The following ALDH2 variants were observed in gnomAD, a reference collection of about 807,000 sequenced individuals.
ALDH2 encodes the protein aldehyde dehydrogenase 2 family member.
A neutral mutation model predicts 59.6 loss-of-function variants in ALDH2; 44 were observed. That is an observed-to-expected ratio of 0.74 (90% CI 0.58 to 0.95). ALDH2 has a LOEUF of 0.95. ALDH2 is among the 40% of genes least tolerant of loss of function. ALDH2 has a pLI of 0.00. For missense variants in ALDH2, 570 were observed against 696.3 expected, an observed-to-expected ratio of 0.82 and a Z score of 2.04; for synonymous variants, 291 against 284.0, an observed-to-expected ratio of 1.02 and a Z score of -0.25.
intron 3 of ALDH2, 22 bp downstream of exon 3, chr12:111,783,320 C>T: frequency 1.3e-6 from 2 of 1,583,720 alleles, no homozygotes; most frequent in Admixed American, 1.7e-5. Context: ...GCCCTTCTCC[C>T]CCTCAGATCC....
At chr12:111,771,800 T>C (rs1266866252) in intron 1 of ALDH2, among the ~76,000 whole-genome samples, 1 of 152,142 alleles carries the variant, frequency 6.6e-6, no homozygotes, top group Admixed American at 6.5e-5. Flanking sequence ...TTTAAATGTT[T>C]GATTTCTTTA....
chr12:111,797,636 A>G (rs928745137), intron 9 of ALDH2, among the ~76,000 whole-genome samples: 2 of 151,976 alleles, frequency 1.3e-5, no homozygotes, highest in African/African-American at 2.4e-5. Context: ...AATACTCCCT[A>G]GTGAATATCC....
intron 1 of ALDH2, among the ~76,000 whole-genome samples, chr12:111,769,938 G>A (rs775543444): frequency 3.3e-5 from 5 of 152,120 alleles, no homozygotes; most frequent in Non-Finnish European, 5.9e-5. Flanking sequence ...GAGGTCAGGA[G>A]TTCGAGACTA....
chr12:111,782,102 C>T (rs1484431673), intron 2 of ALDH2, 80 bp downstream of exon 2: 2 of 1,080,722 alleles, frequency 1.9e-6, no homozygotes, highest in Non-Finnish European at 2.8e-6. Flanking sequence ...AAAGCTTTAC[C>T]ATATATGTGT....
At chr12:111,787,041 C>T (rs2068315862) in intron 4 of ALDH2, among the ~76,000 whole-genome samples, 2 of 151,958 alleles carry the variant, frequency 1.3e-5, no homozygotes, top group South Asian at 2.1e-4. Flanking sequence ...CCCATCTCTA[C>T]TAAATATACA....
At chr12:111,774,464 G>A (rs948389604) in intron 1 of ALDH2, among the ~76,000 whole-genome samples, 3 of 152,170 alleles carry the variant, frequency 2.0e-5, no homozygotes, top group Non-Finnish European at 2.9e-5. Flanking sequence ...CTGCAAAACC[G>A]CGCCATTAGC....
intron 2 of ALDH2, among the ~76,000 whole-genome samples, chr12:111,782,552 C>T (rs2068279724): frequency 6.6e-6 from 1 of 151,742 alleles, no homozygotes; most frequent in Admixed American, 6.6e-5. Context: ...GAGATACCAT[C>T]TCTAAAGTAA....
chr12:111,785,469 A>G, intron 4 of ALDH2, 123 bp downstream of exon 4: 1 of 808,282 alleles, frequency 1.2e-6, no homozygotes, highest in Non-Finnish European at 2.0e-6. Context: ...CATGCCTATA[A>G]TCCCAGCACT....
At chr12:111,791,563 G>A in intron 7 of ALDH2, 144 bp downstream of exon 7, 1 of 665,422 alleles carries the variant, frequency 1.5e-6, no homozygotes, top group Non-Finnish European at 2.6e-6. Flanking sequence ...CAGGAGGGGT[G>A]GGGCAGGGTT....
chr12:111,786,720 AT>A (rs942344719), intron 4 of ALDH2, among the ~76,000 whole-genome samples: 1 of 151,288 alleles, frequency 6.6e-6, no homozygotes, highest in Non-Finnish European at 1.5e-5. Context: ...TACTTTTTAA[AT>A]TTTTTGTAGA....
intron 1 of ALDH2, among the ~76,000 whole-genome samples, chr12:111,779,434 C>T (rs1234043461): frequency 6.6e-6 from 1 of 152,216 alleles, no homozygotes; most frequent in Non-Finnish European, 1.5e-5. Context: ...AAGCAATTCT[C>T]ATGCCTTGGC....
chr12:111,791,168 C>A, intron 6 of ALDH2, 138 bp from the exon 7 acceptor site: 1 of 650,844 alleles, frequency 1.5e-6, no homozygotes, highest in Non-Finnish European at 2.8e-6. Flanking sequence ...CCATGTAGTG[C>A]CCCATACAAT....
intron 11 of ALDH2, among the ~76,000 whole-genome samples, chr12:111,802,925 G>A (rs1438052389): frequency 6.6e-6 from 1 of 150,536 alleles, no homozygotes; most frequent in Non-Finnish European, 1.5e-5. Context: ...AAGCGTGGTG[G>A]CTCACACCTG....
At chr12:111,785,068 C>A (rs1029761295) in intron 3 of ALDH2, among the ~76,000 whole-genome samples, 199 bp from the exon 4 acceptor site, 1 of 152,164 alleles carries the variant, frequency 6.6e-6, no homozygotes, top group Admixed American at 6.5e-5. Context: ...TCCTGCCTGG[C>A]CCCCTTCCTC....
intron 11 of ALDH2, 142 bp downstream of exon 11, chr12:111,800,205 G>A: frequency 9.5e-7 from 1 of 1,053,822 alleles, no homozygotes; most frequent in Non-Finnish European, 1.3e-6. Context: ...CGATTTGAGA[G>A]GTCCTGCTAC....
In ALDH2 at chr12:111,809,316, G is replaced by A. The variant is rs142509481; in HGVS notation, c.1522-227G>A. ...TAAAAATACAAAAAGTTAGCTGGGT[G>A]TTATGGTGCATGCCTGTAGTCCCAG... On this transcript the variant is annotated intron_variant, in intron 12 of 12. Transcript: ENST00000261733. Among the ~76,000 whole-genome samples, 636 of 152,280 alleles carry A rather than the reference G, an allele frequency of 4.2e-3. 12 individuals are homozygous for A. Among genetic ancestry groups the A allele is most frequent in the Non-Finnish European group, 2.3e-3 (157 of 68,032 alleles).
chr12:111,782,281 G>A (rs932918689), intron 2 of ALDH2, among the ~76,000 whole-genome samples: 23 of 152,242 alleles, frequency 1.5e-4, no homozygotes, highest in African/African-American at 5.5e-4. Context: ...GAAGTTGAAG[G>A]TCAGAGATGG....
chr12:111,802,028 A>G (rs1182075283), intron 11 of ALDH2, among the ~76,000 whole-genome samples: 1 of 151,214 alleles, frequency 6.6e-6, no homozygotes, highest in East Asian at 2.0e-4. Context: ...GCCAAGGTAG[A>G]CGGATCACGA....
At chr12:111,767,143 C>T (rs2068165197) in intron 1 of ALDH2, 47 bp downstream of exon 1, 1 of 1,397,148 alleles carries the variant, frequency 7.2e-7, no homozygotes, top group Non-Finnish European at 9.4e-7. Context: ...GCCCGAGTCC[C>T]CCGCAGGCCC....
Sources: gnomAD v4.1 joint callset for allele counts (sites outside exome capture counted in the v4.1 genomes callset) on GRCh38, gnomAD v4.1.1 for gene constraint, MANE v1.5 for transcripts, NCBI Gene and HGNC (gene_info 2026-07-23, HGNC 2026-07-21) for gene names.